Variants in CFAP77 observed in about 807,000 individuals in gnomAD.
CFAP77 encodes the protein cilia and flagella associated protein 77.
CFAP77 carries 25 observed loss-of-function variants against 31.1 expected under a neutral mutation model. The ratio of observed to expected loss-of-function variants is 0.80; its 90% CI spans 0.59 to 1.12. The LOEUF (loss-of-function observed/expected upper bound fraction) is 1.12. Among genes scored for constraint, CFAP77 ranks in the 50% most tolerant of loss-of-function variants. CFAP77 has a pLI of 0.00. For missense variants in CFAP77, 377 were observed against 397.3 expected, an observed-to-expected ratio of 0.95 and a Z score of 0.44; for synonymous variants, 151 against 159.9, an observed-to-expected ratio of 0.94 and a Z score of 0.42.
At chr9:132,433,931 G>A (rs1217743123) in intron 1 of CFAP77, among the ~76,000 whole-genome samples, 1 of 150,092 alleles carries the variant, frequency 6.7e-6, no homozygotes, top group African/African-American at 2.5e-5. Context: ...GAGTCCAGGA[G>A]TTAGAGACCA....
At chr9:132,541,759 C>T (rs1852646623) in intron 4 of CFAP77, among the ~76,000 whole-genome samples, 1 of 152,134 alleles carries the variant, frequency 6.6e-6, no homozygotes, top group African/African-American at 2.4e-5. Context: ...TGTAAGTGAT[C>T]CACAGACACT....
chr9:132,435,803 C>A (rs1466330226), intron 1 of CFAP77, among the ~76,000 whole-genome samples: 1 of 152,144 alleles, frequency 6.6e-6, no homozygotes, highest in Non-Finnish European at 1.5e-5. Context: ...CATTTCAAAC[C>A]CTTGCATTTT....
chr9:132,487,508 G>A (rs761518194), intron 1 of CFAP77, among the ~76,000 whole-genome samples: 47 of 151,990 alleles, frequency 3.1e-4, no homozygotes, highest in Non-Finnish European at 4.3e-4. Flanking sequence ...TCGAAAAAAG[G>A]GCCCCCATCT....
intron 1 of CFAP77, among the ~76,000 whole-genome samples, chr9:132,423,449 G>A (rs1055072130): frequency 2.0e-4 from 30 of 152,298 alleles, no homozygotes; most frequent in Non-Finnish European, 2.8e-4. Flanking sequence ...ACTGTGTGCC[G>A]GGCACTGTGC....
At chr9:132,430,050 A>C (rs1564201268) in intron 1 of CFAP77, among the ~76,000 whole-genome samples, 1 of 151,994 alleles carries the variant, frequency 6.6e-6, no homozygotes, top group Non-Finnish European at 1.5e-5. Context: ...TGGGGTCTGC[A>C]CTTGGCGTTC....
At chr9:132,459,296 C>T (rs1035937197) in intron 1 of CFAP77, among the ~76,000 whole-genome samples, 2 of 152,146 alleles carry the variant, frequency 1.3e-5, no homozygotes, top group East Asian at 1.9e-4. Flanking sequence ...TGGTCTCGAT[C>T]TCCTGACCTC....
At chr9:132,489,588 G>A (rs540479198) in intron 1 of CFAP77, among the ~76,000 whole-genome samples, 5 of 152,316 alleles carry the variant, frequency 3.3e-5, no homozygotes, top group South Asian at 2.1e-4. Flanking sequence ...TGCCCTGCAC[G>A]GAGGAGGTGC....
rs1392698698 is a variant in CFAP77 at position 132,498,810 on chromosome 9, T to A, written c.295+16T>A. 1 of 1,582,104 alleles carries A rather than the reference T, an allele frequency of 6.3e-7. No homozygotes were observed. The highest frequency in any genetic ancestry group is 8.6e-7 in the Non-Finnish European group (1 of 1,156,994). ...GTCCCTGAAGGTGAGCGAGCAGCTTTGGAGCATGAGGGCAGAGGAGTGGGA... is the reference window on the plus strand; with the variant it reads ...GTCCCTGAAGGTGAGCGAGCAGCTTAGGAGCATGAGGGCAGAGGAGTGGGA... On this transcript the variant is annotated intron_variant, in intron 2 of 5. Coordinates refer to ENST00000393216, the MANE Select transcript of CFAP77 (RefSeq NM_001282957.2). The surrounding 1 kb of genome is among the most constrained non-coding windows in gnomAD (Gnocchi z 4.2).
Position 132,535,703 on chromosome 9 carries a change from C to T in CFAP77, c.525-1898C>T, listed in dbSNP as rs1852529459. ...CTCCAGACTGGGTGGCAGCGTGAGA[C>T]TCCACCTCAATAAATAAATAAATAA... On this transcript the variant is annotated intron_variant, in intron 3 of 5. Coordinates refer to ENST00000393216, the MANE Select transcript of CFAP77 (RefSeq NM_001282957.2). 2.0e-5 allele frequency among the ~76,000 whole-genome samples: 3 copies of T among 148,228 alleles called. No homozygotes were observed. The South Asian group carries it at 6.4e-4, about 32-fold the overall frequency.
chr9:132,469,198 C>A (rs144659310), intron 1 of CFAP77, among the ~76,000 whole-genome samples: 16 of 152,278 alleles, frequency 1.1e-4, no homozygotes, highest in African/African-American at 3.6e-4. Flanking sequence ...GAGACCCAGC[C>A]ATGAGAAGGG....
chr9:132,465,629 A>C (rs1024453336), intron 1 of CFAP77, among the ~76,000 whole-genome samples: 1 of 152,228 alleles, frequency 6.6e-6, no homozygotes, highest in African/African-American at 2.4e-5. Context: ...AGTGGGTGAG[A>C]TGGAAAAAAA....
intron 1 of CFAP77, among the ~76,000 whole-genome samples, chr9:132,463,097 T>G (rs568312317): frequency 1.3e-5 from 2 of 151,826 alleles, no homozygotes; most frequent in African/African-American, 2.4e-5. Context: ...ATAAGCCAAA[T>G]AGAGGAGGAA....
At chr9:132,463,513 G>A (rs894778690) in intron 1 of CFAP77, among the ~76,000 whole-genome samples, 3 of 151,978 alleles carry the variant, frequency 2.0e-5, no homozygotes, top group African/African-American at 7.3e-5. Context: ...CTGGATACCT[G>A]AACGAAGTGG....
At chr9:132,463,184 A>G (rs935761650) in intron 1 of CFAP77, among the ~76,000 whole-genome samples, 2 of 152,206 alleles carry the variant, frequency 1.3e-5, no homozygotes, top group East Asian at 1.9e-4. Flanking sequence ...AAGTCAGCCA[A>G]TCTTTGCGAA....
At chr9:132,557,376 G>A (rs1457575635) in intron 5 of CFAP77, among the ~76,000 whole-genome samples, 1 of 152,244 alleles carries the variant, frequency 6.6e-6, no homozygotes, top group Non-Finnish European at 1.5e-5. Context: ...GGGGGCACGG[G>A]AGGAAGCCCA....
intron 1 of CFAP77, among the ~76,000 whole-genome samples, chr9:132,463,309 G>T (rs973000444): frequency 2.0e-5 from 3 of 152,162 alleles, no homozygotes; most frequent in Non-Finnish European, 4.4e-5. Context: ...ACATGTTCTT[G>T]CGGTGTGGTT....
At chr9:132,525,608 G>C (rs1196380179) in intron 3 of CFAP77, among the ~76,000 whole-genome samples, 1 of 152,144 alleles carries the variant, frequency 6.6e-6, no homozygotes, top group African/African-American at 2.4e-5. Context: ...GCCCTCATCT[G>C]CATGTGGGCA....
intron 5 of CFAP77, among the ~76,000 whole-genome samples, chr9:132,548,684 G>C (rs1034435137): frequency 6.6e-6 from 1 of 151,898 alleles, no homozygotes; most frequent in Non-Finnish European, 1.5e-5. Flanking sequence ...GCTGGCGGGG[G>C]GGTCTCCACA....
chr9:132,494,861 G>A (rs905446200), intron 1 of CFAP77, among the ~76,000 whole-genome samples: 2 of 152,048 alleles, frequency 1.3e-5, no homozygotes, highest in African/African-American at 4.8e-5. Flanking sequence ...ATTTTTTTCT[G>A]TAGGACTATC....
Sources: allele counts gnomAD v4.1 joint callset (sites outside exome capture counted in the v4.1 genomes callset), GRCh38; gene constraint gnomAD v4.1.1; non-coding constraint Gnocchi (gnomAD v3.1); transcripts MANE v1.5; gene names NCBI Gene and HGNC (gene_info 2026-07-23, HGNC 2026-07-21).